The following GNG5 variants were observed in gnomAD, a reference collection of about 807,000 sequenced individuals.
GNG5 encodes G protein subunit gamma 5.
A neutral mutation model predicts 6.2 loss-of-function variants in GNG5; 2 were observed. The observed-to-expected ratio is 0.32, with a 90% CI of 0.13 to 1.01. The LOEUF is 1.01. Among genes scored for constraint, GNG5 ranks in the 50% least tolerant of loss-of-function variants. The pLI, the probability that GNG5 is intolerant of heterozygous loss-of-function variation, is 0.48. For synonymous variants in GNG5, 24 were observed against 33.0 expected (o/e 0.73, Z 0.93); for missense variants, 57 against 80.2 (o/e 0.71, Z 1.10).
At position 84,501,810 on chromosome 1, in the gene GNG5, A is replaced by ATT. The variant is rs754981550; in HGVS notation, c.*19+14_*19+15dup. ...CCTACAGTGTGGGTTTTTGTTTTAA[A>ATT]TTTAAGGAAACTTACCTTTGAAAGA... On this transcript the variant is annotated intron_variant, in intron 3 of 3. Transcript: ENST00000370645. The ATT allele has an allele frequency of 1.7e-5, 26 of 1,557,714 alleles. No homozygotes were observed. Among genetic ancestry groups the ATT allele is most frequent in the Non-Finnish European group, 2.2e-5 (25 of 1,132,016 alleles).
At chr1:84,499,951 C>T (rs1570358740) in intron 3 of GNG5, among the ~76,000 whole-genome samples, 1 of 152,084 alleles carries the variant, frequency 6.6e-6, no homozygotes. Context: ...AAAAAGTAGC[C>T]GGGCGTGGTG....
intron 2 of GNG5, 70 bp downstream of exon 2, chr1:84,505,941 C>G (rs1682194342): frequency 8.8e-7 from 1 of 1,133,672 alleles, no homozygotes; most frequent in Non-Finnish European, 1.2e-6. Context: ...CCCGCCCCCG[C>G]CAGCTGGGCC....
At chr1:84,505,409 G>C (rs930426020) in intron 2 of GNG5, among the ~76,000 whole-genome samples, 3 of 152,158 alleles carry the variant, frequency 2.0e-5, no homozygotes, top group Non-Finnish European at 4.4e-5. Flanking sequence ...GAGGTTGTAC[G>C]GGGCACTGAC....
chr1:84,501,363 C>T (rs1682053499), intron 3 of GNG5, among the ~76,000 whole-genome samples: 1 of 152,218 alleles, frequency 6.6e-6, no homozygotes, highest in African/African-American at 2.4e-5. Context: ...TACTGCTCTA[C>T]AGCTGGGTTC....
chr1:84,499,098 A>G (rs1381172844), intron 3 of GNG5, among the ~76,000 whole-genome samples: 1 of 152,250 alleles, frequency 6.6e-6, no homozygotes, highest in African/African-American at 2.4e-5. Flanking sequence ...TATGTTTTCA[A>G]ACCATAATAT....
intron 3 of GNG5, 52 bp from the exon 4 acceptor site, chr1:84,498,600 C>G (rs914113701): frequency 6.7e-6 from 1 of 149,102 alleles, no homozygotes; most frequent in Non-Finnish European, 1.5e-5. Context: ...TATCAAAGAA[C>G]ATAGTTTTTA....
rs575113325 is a variant in GNG5, at chr1:84,499,945, A to T, written c.*20-1397T>A. 2.0e-5 allele frequency among the ~76,000 whole-genome samples: 3 copies of T among 152,318 alleles called. No homozygotes were observed. In the South Asian group the frequency reaches 6.2e-4, roughly 32 times the overall value. Reference sequence around the variant, plus strand: ...CGCTGTCTCTACCAAAAATACAAAAAGTAGCCGGGCGTGGTGGTGTGCACC... The same window carrying T: ...CGCTGTCTCTACCAAAAATACAAAATGTAGCCGGGCGTGGTGGTGTGCACC... On this transcript the variant is annotated intron_variant, in intron 3 of 3. Coordinates refer to ENST00000370645, the MANE Select transcript of GNG5 (RefSeq NM_005274.3).
In GNG5 at chr1:84,506,153, G is replaced by A. The variant is rs1040843276; in HGVS notation, c.-62C>T. Reference sequence around the variant, plus strand: ...GGGTCGTGGGCCGTGGGTCGGCGGGGCCAGACAACTCAGCGGCGCGCGGCG... The same window carrying A: ...GGGTCGTGGGCCGTGGGTCGGCGGGACCAGACAACTCAGCGGCGCGCGGCG... On this transcript the variant is annotated 5_prime_UTR_variant, in exon 2 of 4. Coordinates refer to ENST00000370645, the MANE Select transcript of GNG5 (RefSeq NM_005274.3). The A allele has an allele frequency of 2.5e-5, 35 of 1,403,884 alleles. No homozygotes were observed. The highest frequency in any genetic ancestry group is 1.4e-4 in the East Asian group (5 of 36,562). 87.0% of individuals were successfully genotyped at this position (1,403,884 alleles called of 1,614,324 possible). A position where few individuals can be genotyped will look rare whatever the true frequency, so the allele number is the denominator to read the frequency against.
intron 2 of GNG5, among the ~76,000 whole-genome samples, chr1:84,502,365 CT>C (rs1370420688): frequency 1.3e-5 from 2 of 152,040 alleles, no homozygotes; most frequent in African/African-American, 4.8e-5. Flanking sequence ...CTCTCTTGAC[CT>C]CGTGATCCGC....
rs533368465 is a variant in GNG5 at position 84,505,653 on chromosome 1, G to C, written c.81+358C>G. ...AACAGGAGGCTGGCAAAGTGGGAAA[G>C]GAAGGGTGCGGACAGCGCGCGGAGG... On this transcript the variant is annotated intron_variant, in intron 2 of 3. Coordinates refer to ENST00000370645, the MANE Select transcript of GNG5 (RefSeq NM_005274.3). Among the ~76,000 whole-genome samples the C allele has an allele frequency of 6.5e-4, 99 of 152,358 alleles. 1 individual carries two copies. Among genetic ancestry groups the C allele is most frequent in the Non-Finnish European group, 7.4e-5 (5 of 68,026 alleles).
intron 2 of GNG5, among the ~76,000 whole-genome samples, chr1:84,505,052 GGCT>G (rs1214825585): frequency 2.0e-5 from 3 of 152,180 alleles, no homozygotes; most frequent in Non-Finnish European, 4.4e-5. Flanking sequence ...CTTAGGAACT[GGCT>G]GCTTTTAACA....
chr1:84,505,187 G>C (rs1291027615), intron 2 of GNG5, among the ~76,000 whole-genome samples: 2 of 152,318 alleles, frequency 1.3e-5, no homozygotes, highest in East Asian at 1.9e-4. Context: ...GAAATACTTA[G>C]AACAGCACTT....
At chr1:84,504,944 C>CT (rs1376743179) in intron 2 of GNG5, among the ~76,000 whole-genome samples, 1 of 152,200 alleles carries the variant, frequency 6.6e-6, no homozygotes, top group Non-Finnish European at 1.5e-5. Context: ...AGCTAGGTCT[C>CT]TGACACTTCT....
At chr1:84,500,620 A>C (rs1682039036) in intron 3 of GNG5, among the ~76,000 whole-genome samples, 1 of 152,216 alleles carries the variant, frequency 6.6e-6, no homozygotes, top group South Asian at 2.1e-4. Context: ...TATTATAATA[A>C]ACTGTTAAAT....
At chr1:84,503,598 T>C (rs1682100487) in intron 2 of GNG5, 1 of 152,158 alleles carries the variant, frequency 6.6e-6, no homozygotes. Context: ...ATTGTAATAG[T>C]GTTTAGTGTT....
chr1:84,504,248 A>C (rs1322632890), intron 2 of GNG5, among the ~76,000 whole-genome samples: 4 of 152,244 alleles, frequency 2.6e-5, no homozygotes, highest in Admixed American at 2.6e-4. Flanking sequence ...GTTAAACCAC[A>C]TTTAGCAACA....
chr1:84,503,247 C>G (rs2101892002), intron 2 of GNG5, among the ~76,000 whole-genome samples: 1 of 152,334 alleles, frequency 6.6e-6, no homozygotes, highest in South Asian at 2.1e-4. Flanking sequence ...TATTCTCAGT[C>G]TTTATCCGCA....
intron 3 of GNG5, among the ~76,000 whole-genome samples, chr1:84,501,437 A>C (rs1278550099): frequency 2.0e-5 from 3 of 152,150 alleles, no homozygotes; most frequent in African/African-American, 7.2e-5. Context: ...TTATCCCCAT[A>C]AACATTGCAG....
At chr1:84,505,259 A>G (rs1682153755) in intron 2 of GNG5, among the ~76,000 whole-genome samples, 1 of 152,218 alleles carries the variant, frequency 6.6e-6, no homozygotes, top group South Asian at 2.1e-4. Context: ...ACCCCAAGAC[A>G]AGGCCAATAC....
Sources: allele counts gnomAD v4.1 joint callset (sites outside exome capture counted in the v4.1 genomes callset), GRCh38; gene constraint gnomAD v4.1.1; transcripts MANE v1.5; gene names NCBI Gene and HGNC (gene_info 2026-07-23, HGNC 2026-07-21).